Variants in PREX2 observed in about 807,000 individuals in gnomAD.
PREX2 encodes the protein phosphatidylinositol 3,4,5-trisphosphate-dependent Rac exchanger 2 protein.
A neutral mutation model predicts 203.2 loss-of-function variants in PREX2; 107 were observed. The ratio of observed to expected loss-of-function variants is 0.53; its 90% CI spans 0.45 to 0.62. PREX2 has a LOEUF of 0.62. Ranked by LOEUF, PREX2 falls within the 20% of genes least tolerant of loss-of-function variation. PREX2 has a pLI of 0.00. For synonymous variants in PREX2, 672 were observed against 663.6 expected (o/e 1.01, Z -0.19); for missense variants, 1,777 against 1,955.9 (o/e 0.91, Z 1.72).
chr8:68,121,855 C>T (rs994533740), intron 30 of PREX2, among the ~76,000 whole-genome samples: 5 of 152,122 alleles, frequency 3.3e-5, no homozygotes, highest in African/African-American at 1.2e-4. Flanking sequence ...GAGACAGTTC[C>T]TTACAAGGAA....
intron 8 of PREX2, 92 bp downstream of exon 8, chr8:68,044,682 A>G (rs1309541768): frequency 6.7e-6 from 6 of 889,524 alleles, no homozygotes; most frequent in East Asian, 4.9e-5. Context: ...TTCACCTGCC[A>G]TGTATTAGAG....
intron 1 of PREX2, among the ~76,000 whole-genome samples, chr8:67,972,299 A>G (rs146310693): frequency 6.6e-6 from 1 of 152,328 alleles, no homozygotes; most frequent in African/African-American, 2.4e-5. Context: ...CAAAAGTGTA[A>G]CTTTGATTTC....
intron 35 of PREX2, among the ~76,000 whole-genome samples, chr8:68,168,479 A>G (rs1811806668): frequency 6.6e-6 from 1 of 152,218 alleles, no homozygotes; most frequent in Admixed American, 6.5e-5. Context: ...TTCTTGGAGA[A>G]AGCATTTTTA....
intron 15 of PREX2, among the ~76,000 whole-genome samples, chr8:68,079,450 C>A (rs1331351317): frequency 6.6e-6 from 1 of 152,056 alleles, no homozygotes; most frequent in Non-Finnish European, 1.5e-5. Flanking sequence ...GTTTTATTGC[C>A]CCCACTTTAC....
intron 8 of PREX2, among the ~76,000 whole-genome samples, chr8:68,049,428 A>T (rs116991546): frequency 6.6e-6 from 1 of 152,108 alleles, no homozygotes; most frequent in East Asian, 1.9e-4. Context: ...TCTTATTGAA[A>T]TGCAAATTTA....
intron 1 of PREX2, among the ~76,000 whole-genome samples, chr8:67,981,240 A>T (rs1460345216): frequency 6.6e-6 from 1 of 152,144 alleles, no homozygotes; most frequent in Non-Finnish European, 1.5e-5. Context: ...TGTCAGGAAG[A>T]CCTGGATAAA....
chr8:68,029,966 A>G (rs1302333905), intron 5 of PREX2, among the ~76,000 whole-genome samples: 1 of 152,274 alleles, frequency 6.6e-6, no homozygotes, highest in African/African-American at 2.4e-5. Flanking sequence ...TCCTTTAATG[A>G]TGGAGTATTG....
chr8:68,054,744 C>T (rs915669907), intron 9 of PREX2, among the ~76,000 whole-genome samples: 6 of 152,196 alleles, frequency 3.9e-5, no homozygotes, highest in Non-Finnish European at 7.3e-5. Flanking sequence ...GCCTTGCCCT[C>T]TCCCCTGAGC....
chr8:68,036,455 C>T (rs1808033722), intron 6 of PREX2, among the ~76,000 whole-genome samples: 1 of 152,074 alleles, frequency 6.6e-6, no homozygotes, highest in African/African-American at 2.4e-5. Context: ...CATAATGCAA[C>T]AACTTATCAT....
At chr8:68,089,331 A>C (rs1296096561) in intron 19 of PREX2, among the ~76,000 whole-genome samples, 1 of 152,120 alleles carries the variant, frequency 6.6e-6, no homozygotes, top group Admixed American at 6.5e-5. Flanking sequence ...TTTGCTCCTC[A>C]AAATTGCTTC....
At chr8:68,109,044 G>T in intron 24 of PREX2, 1 of 448,928 alleles carries the variant, frequency 2.2e-6, no homozygotes, top group Non-Finnish European at 4.4e-6. Flanking sequence ...CAGGGCCTGG[G>T]GTGGTTGGGT....
At chr8:68,054,899 G>C (rs139024489) in intron 9 of PREX2, among the ~76,000 whole-genome samples, 1 of 152,164 alleles carries the variant, frequency 6.6e-6, no homozygotes, top group African/African-American at 2.4e-5. Flanking sequence ...TCAGAGGCCC[G>C]GAAGGCATCT....
chr8:68,078,588 G>A (rs1809419797), intron 15 of PREX2, among the ~76,000 whole-genome samples: 1 of 152,184 alleles, frequency 6.6e-6, no homozygotes, highest in Non-Finnish European at 1.5e-5. Flanking sequence ...AAAGGTTACA[G>A]TGATTTTGAG....
At chr8:67,967,527 G>C (rs1224784902) in intron 1 of PREX2, among the ~76,000 whole-genome samples, 1 of 152,182 alleles carries the variant, frequency 6.6e-6, no homozygotes, top group Admixed American at 6.5e-5. Flanking sequence ...ATCATGGATG[G>C]GAACCCAGCA....
chr8:68,049,009 T>C (rs1348322227), intron 8 of PREX2, among the ~76,000 whole-genome samples: 2 of 151,892 alleles, frequency 1.3e-5, no homozygotes, highest in Admixed American at 6.6e-5. Flanking sequence ...AGTTTTTTTT[T>C]CTAATACATT....
intron 35 of PREX2, among the ~76,000 whole-genome samples, chr8:68,173,090 A>C (rs1209788169): frequency 6.6e-6 from 1 of 152,190 alleles, no homozygotes; most frequent in African/African-American, 2.4e-5. Flanking sequence ...TACATATTGA[A>C]GGCAACCATG....
At chr8:68,060,831 A>G in intron 11 of PREX2, 52 bp downstream of exon 11, 3 of 1,165,114 alleles carry the variant, frequency 2.6e-6, no homozygotes, top group Non-Finnish European at 3.7e-6. Context: ...GGCCATATGT[A>G]TCTTAATCCC....
intron 38 of PREX2, among the ~76,000 whole-genome samples, chr8:68,222,599 G>A (rs1481609872): frequency 1.3e-5 from 2 of 151,612 alleles, no homozygotes; most frequent in African/African-American, 4.8e-5. Flanking sequence ...CAATATTATT[G>A]TTGTAGACAA....
chr8:68,161,285 G>C (rs552524760), intron 35 of PREX2, among the ~76,000 whole-genome samples: 1 of 151,872 alleles, frequency 6.6e-6, no homozygotes, highest in Admixed American at 6.6e-5. Flanking sequence ...AGTAGAGATG[G>C]GGTTTCACTA....
Sources: gnomAD v4.1 joint callset for allele counts (sites outside exome capture counted in the v4.1 genomes callset) on GRCh38, gnomAD v4.1.1 for gene constraint, MANE v1.5 for transcripts, NCBI Gene and HGNC (gene_info 2026-07-23, HGNC 2026-07-21) for gene names.